The following KCNH8 variants were observed in gnomAD, a reference collection of about 807,000 sequenced individuals.
KCNH8 encodes voltage-gated delayed rectifier potassium channel KCNH8.
A neutral mutation model predicts 103.6 loss-of-function variants in KCNH8; 70 were observed. The ratio of observed to expected loss-of-function variants is 0.68; its 90% CI spans 0.56 to 0.82. The LOEUF (loss-of-function observed/expected upper bound fraction) is 0.82, where lower values mean the gene tolerates loss of function less well. KCNH8 is among the 40% of genes least tolerant of loss of function. The pLI, the probability that KCNH8 is intolerant of heterozygous loss-of-function variation, is 0.00. For synonymous variants in KCNH8, 498 were observed against 489.4 expected (o/e 1.02, Z -0.23); for missense variants, 1,217 against 1,329.9 (o/e 0.92, Z 1.32).
At chr3:19,332,634 AT>A (rs1160760818) in intron 3 of KCNH8, among the ~76,000 whole-genome samples, 9 of 151,270 alleles carry the variant, frequency 5.9e-5, no homozygotes, top group Non-Finnish European at 1.2e-4. Flanking sequence ...TTTTCTTTTT[AT>A]TTTTTTTCTT....
At chr3:19,240,394 C>A (rs992014515) in intron 1 of KCNH8, among the ~76,000 whole-genome samples, 3 of 152,044 alleles carry the variant, frequency 2.0e-5, no homozygotes, top group Non-Finnish European at 1.5e-5. Context: ...GAGCGGATCG[C>A]CTGAGGTCGG....
intron 1 of KCNH8, among the ~76,000 whole-genome samples, chr3:19,253,139 C>T (rs1384269553): frequency 6.6e-6 from 1 of 152,120 alleles, no homozygotes; most frequent in Non-Finnish European, 1.5e-5. Flanking sequence ...TTTTAACTTA[C>T]CCTTTATTAT....
chr3:19,316,296 C>A (rs9865551), intron 3 of KCNH8, among the ~76,000 whole-genome samples: 16,231 of 151,680 alleles, frequency 0.11, 1,001 homozygotes, highest in East Asian at 0.18. Context: ...GCCAGTAATA[C>A]CCACACACAA....
chr3:19,525,085 A>G (rs964045596), intron 15 of KCNH8, among the ~76,000 whole-genome samples: 2 of 151,844 alleles, frequency 1.3e-5, no homozygotes, highest in Non-Finnish European at 2.9e-5. Flanking sequence ...ATCTTACCAC[A>G]GAAAAAGTGG....
intron 11 of KCNH8, among the ~76,000 whole-genome samples, chr3:19,469,826 C>G (rs533418162): frequency 6.6e-6 from 1 of 152,130 alleles, no homozygotes; most frequent in Non-Finnish European, 1.5e-5. Context: ...TCTCAGTGCC[C>G]CTTCTCTTCT....
chr3:19,486,397 A>AC (rs2068209950), intron 11 of KCNH8, among the ~76,000 whole-genome samples: 1 of 152,192 alleles, frequency 6.6e-6, no homozygotes, highest in Admixed American at 6.5e-5. Flanking sequence ...TTACCACAGC[A>AC]TGGGGGGCTT....
intron 1 of KCNH8, among the ~76,000 whole-genome samples, chr3:19,235,292 G>A (rs1310687882): frequency 1.3e-5 from 2 of 152,092 alleles, no homozygotes; most frequent in Non-Finnish European, 2.9e-5. Flanking sequence ...AATCCATATA[G>A]AATGATACAA....
chr3:19,361,158 A>G (rs2065942079), intron 5 of KCNH8, among the ~76,000 whole-genome samples: 1 of 152,150 alleles, frequency 6.6e-6, no homozygotes, highest in African/African-American at 2.4e-5. Context: ...CAAAATAAAT[A>G]AATAATAACA....
intron 1 of KCNH8, among the ~76,000 whole-genome samples, chr3:19,207,223 C>A (rs1049434555): frequency 1.1e-4 from 17 of 151,728 alleles, no homozygotes; most frequent in Non-Finnish European, 2.2e-4. Context: ...AAAAAAAGAG[C>A]TTTTTGGGAA....
chr3:19,201,254 A>AAAAAAAAAAAG (rs1559419872), intron 1 of KCNH8, among the ~76,000 whole-genome samples: 1 of 143,416 alleles, frequency 7.0e-6, no homozygotes, highest in Non-Finnish European at 1.6e-5. Context: ...AAAAAAAAAA[A>AAAAAAAAAAAG]AAAAAAAAGA....
intron 1 of KCNH8, among the ~76,000 whole-genome samples, chr3:19,223,018 T>C (rs1241485371): frequency 6.6e-6 from 1 of 152,186 alleles, no homozygotes. Context: ...TGGTGTTTTG[T>C]CTTTATTCAT....
chr3:19,168,096 T>C (rs2063303103), intron 1 of KCNH8, among the ~76,000 whole-genome samples: 1 of 151,820 alleles, frequency 6.6e-6, no homozygotes, highest in Non-Finnish European at 1.5e-5. Context: ...CTGCAACCTC[T>C]GTCTCCTTGG....
chr3:19,318,067 C>T (rs1374665428), intron 3 of KCNH8, among the ~76,000 whole-genome samples: 2 of 151,812 alleles, frequency 1.3e-5, no homozygotes, highest in Admixed American at 6.6e-5. Context: ...GATCCTGTAT[C>T]TGGAAATTTC....
At chr3:19,477,101 C>T in intron 11 of KCNH8, among the ~76,000 whole-genome samples, 1 of 152,074 alleles carries the variant, frequency 6.6e-6, no homozygotes, top group East Asian at 1.9e-4. Flanking sequence ...TGTGGCATGG[C>T]ATGATAGCCC....
chr3:19,193,793 T>C (rs1312402847), intron 1 of KCNH8, among the ~76,000 whole-genome samples: 1 of 151,776 alleles, frequency 6.6e-6, no homozygotes, highest in Non-Finnish European at 1.5e-5. Flanking sequence ...TCTTTTTAAC[T>C]TGAAAGCTTC....
chr3:19,152,653 A>G (rs1042213012), intron 1 of KCNH8, among the ~76,000 whole-genome samples: 5 of 152,172 alleles, frequency 3.3e-5, no homozygotes, highest in Non-Finnish European at 7.4e-5. Flanking sequence ...GTTAAAATTG[A>G]TGCTGGGCGC....
chr3:19,491,376 T>C (rs915855233), intron 11 of KCNH8, among the ~76,000 whole-genome samples: 1 of 152,226 alleles, frequency 6.6e-6, no homozygotes, highest in African/African-American at 2.4e-5. Context: ...CCTATGTTTA[T>C]GTACATGTGT....
chr3:19,274,882 TC>T (rs2064644456), intron 2 of KCNH8, among the ~76,000 whole-genome samples: 1 of 41,470 alleles, frequency 2.4e-5, no homozygotes, highest in African/African-American at 1.8e-4. Context: ...TCCCCACCCC[TC>T]CCCTCCCCTT....
rs571201172 is a variant in KCNH8, at chr3:19,332,262, C to T, written c.443-10325C>T. Among the ~76,000 whole-genome samples, 3 of 152,288 alleles carry T rather than the reference C, an allele frequency of 2.0e-5. No homozygotes were observed. In the East Asian group the frequency reaches 5.8e-4, roughly 29 times the overall value. On this transcript the variant is annotated intron_variant, in intron 3 of 15. Coordinates refer to ENST00000328405, the MANE Select transcript of KCNH8 (RefSeq NM_144633.3). ...TTACAGTCATACCAACCCCATCACC[C>T]TCTACCATCCCTAACCCTACTACTG...
Sources: gnomAD v4.1 joint callset for allele counts (sites outside exome capture counted in the v4.1 genomes callset) on GRCh38, gnomAD v4.1.1 for gene constraint, MANE v1.5 for transcripts, NCBI Gene and HGNC (gene_info 2026-07-23, HGNC 2026-07-21) for gene names.